Variants in IL1RL1 observed in about 807,000 individuals in gnomAD.
IL1RL1 encodes interleukin 1 receptor like 1.
A neutral mutation model predicts 50.9 loss-of-function variants in IL1RL1; 32 were observed. The ratio of observed to expected loss-of-function variants is 0.63; its 90% CI spans 0.47 to 0.84. The LOEUF is 0.84. Among genes scored for constraint, IL1RL1 ranks in the 40% least tolerant of loss-of-function variants. The pLI, the probability that IL1RL1 is intolerant of heterozygous loss-of-function variation, is 0.00. For synonymous variants in IL1RL1, 275 were observed against 236.0 expected, an observed-to-expected ratio of 1.17 and a Z score of -1.51; for missense variants, 773 against 662.9, an observed-to-expected ratio of 1.17 and a Z score of -1.82.
At position 102,325,870 on chromosome 2, in the gene IL1RL1, A is replaced by G. The variant is rs185239610; in HGVS notation, c.-149-12246A>G. ...GACTATGTGAAAAGACCAAATCTAC[A>G]TCTGATTGGTATACCTGAAAGTGAC... On this transcript the variant is annotated intron_variant, in intron 1 of 10. Coordinates refer to ENST00000233954, the MANE Select transcript of IL1RL1 (RefSeq NM_016232.5). 6.6e-3 allele frequency among the ~76,000 whole-genome samples: 1,013 copies of G among 152,366 alleles called. 19 individuals are homozygous for G. Among genetic ancestry groups the G allele is most frequent in the African/African-American group, 0.023 (947 of 41,594 alleles).
In IL1RL1 at chr2:102,348,010, C is replaced by T. The variant is rs766401987; in HGVS notation, c.1036C>T (p.Leu346=). 1 of 1,590,296 alleles carries T rather than the reference C, an allele frequency of 6.3e-7. No individual in the cohort carries two copies. The highest frequency in any genetic ancestry group is 2.2e-5 in the East Asian group (1 of 44,700). Residue 346 remains leucine (L), a synonymous_variant, in exon 9 of 11, where the codon CTG becomes TTG. Transcript: ENST00000233954. The stretch of plus-strand genomic sequence containing the variant: ...TGTATTTTTAATGCTAATCAATGTC[C>T]TGGTTATCATCCTAAAAATGTTCTG... The part of the protein sequence containing the change: ...CSVFLMLINV[L]VIILKMFWIE...
intron 1 of IL1RL1, among the ~76,000 whole-genome samples, chr2:102,322,870 G>C (rs1405244010): frequency 6.6e-6 from 1 of 151,968 alleles, no homozygotes; most frequent in Non-Finnish European, 1.5e-5. Context: ...CTATTGTTGG[G>C]CTTCCTATAG....
At position 102,338,798 on chromosome 2, in the gene IL1RL1, T is replaced by C. The variant is rs765577319; in HGVS notation, c.62-39T>C. The C allele has an allele frequency of 2.8e-6, 4 of 1,429,594 alleles. No individual in the cohort carries two copies. The South Asian group carries it at 3.5e-5, about 13-fold the overall frequency. The allele number at this position is 1,429,594 out of a possible 1,614,324, so 88.6% of individuals were successfully genotyped here. ...GTATAAGAATTATGATCTTTTCATT[T>C]GATCATTTCAGGATTGTCTTTATAT... is the stretch of plus-strand genomic sequence containing the variant. On this transcript the variant is annotated intron_variant, in intron 2 of 10. Coordinates refer to ENST00000233954, the MANE Select transcript of IL1RL1 (RefSeq NM_016232.5).
chr2:102,317,353 CAA>C (rs1010303033), intron 1 of IL1RL1, among the ~76,000 whole-genome samples: 6 of 147,124 alleles, frequency 4.1e-5, no homozygotes, highest in Admixed American at 6.8e-5. Context: ...GACTCTGTCT[CAA>C]AAAAAAAAGT....
In IL1RL1 at chr2:102,351,730, G is replaced by T; in HGVS notation, c.1480G>T (p.Glu494Ter). Residue 494 changes from glutamate to a stop codon, truncating the protein, a stop_gained, in exon 11 of 11, where the codon GAG (glutamate) becomes TAG (stop). Coordinates refer to ENST00000233954, the MANE Select transcript of IL1RL1 (RefSeq NM_016232.5). LOFTEE classifies it low-confidence loss of function (END_TRUNC). ...GAGCGAGCTGGACATGCTGCAGGCT[G>T]AGGCGCTTCAGGACTCCCTCCAGCA... is the stretch of plus-strand genomic sequence containing the variant. ...ALSELDMLQAEALQDSLQHLM... is the reference protein window; with the variant it reads ...ALSELDMLQA 1 of 1,614,104 alleles carries T rather than the reference G, an allele frequency of 6.2e-7. No individual in the cohort carries two copies. Among genetic ancestry groups the T allele is most frequent in the Admixed American group, 1.7e-5 (1 of 60,016 alleles).
chr2:102,340,434 G>T (rs1217248589), intron 4 of IL1RL1, among the ~76,000 whole-genome samples, 162 bp downstream of exon 4: 2 of 152,056 alleles, frequency 1.3e-5, no homozygotes, highest in Non-Finnish European at 1.5e-5. Flanking sequence ...CCAACATGAG[G>T]AAACCCCATC....
chr2:102,349,394 C>T (rs1677872099), intron 10 of IL1RL1, 148 bp downstream of exon 10: 1 of 636,212 alleles, frequency 1.6e-6, no homozygotes, highest in Admixed American at 2.6e-5. Context: ...CAGAAGCAGA[C>T]ACTTATCCTT....
chr2:102,313,806 A>G (rs1016669722), intron 1 of IL1RL1, among the ~76,000 whole-genome samples: 2 of 152,152 alleles, frequency 1.3e-5, no homozygotes, highest in Non-Finnish European at 2.9e-5. Context: ...ACATTGTGGG[A>G]GCATGCATGT....
intron 1 of IL1RL1, among the ~76,000 whole-genome samples, chr2:102,333,983 T>C (rs960753532): frequency 3.9e-5 from 6 of 152,214 alleles, no homozygotes; most frequent in Non-Finnish European, 5.9e-5. Flanking sequence ...TAGTCAACCG[T>C]TGATGGACAC....
chr2:102,351,525 T>G lies in IL1RL1; in HGVS notation c.1286-11T>G, dbSNP rs749163091. 1.2e-6 allele frequency: 2 copies of G among 1,606,752 alleles called. No homozygotes were observed. The highest frequency in any genetic ancestry group is 1.7e-6 in the Non-Finnish European group (2 of 1,175,230). On this transcript the variant is annotated splice_polypyrimidine_tract_variant and intron_variant, in intron 10 of 10. Transcript: ENST00000233954. ...CTGATAAGAAATCTGATCTATTTCT[T>G]GTATGACTAGATGTAGTCACTGCAG...
In IL1RL1 at chr2:102,343,411, T is replaced by C. The variant is rs1677656537; in HGVS notation, c.966T>C (p.Asn322=). Residue 322 remains asparagine, a synonymous_variant, in exon 8 of 11, where the codon AAT becomes AAC. Coordinates refer to ENST00000233954, the MANE Select transcript of IL1RL1 (RefSeq NM_016232.5). Reference sequence around the variant, plus strand: ...ACACCGTAAGACTAAGTAGGAAAAATCCAAGTAAGGAGTGTTTCTGAGACT... The same window carrying C: ...ACACCGTAAGACTAAGTAGGAAAAACCCAAGTAAGGAGTGTTTCTGAGACT... ...RRHTVRLSRK[N]PIDHHSIYCI... 6.2e-7 allele frequency: 1 copy of C among 1,614,154 alleles called. No individual in the cohort carries two copies. Among genetic ancestry groups the C allele is most frequent in the East Asian group, 2.2e-5 (1 of 44,872 alleles).
chr2:102,348,797 A>G (rs1374696915), intron 9 of IL1RL1, among the ~76,000 whole-genome samples: 5 of 152,322 alleles, frequency 3.3e-5, no homozygotes, highest in African/African-American at 1.2e-4. Context: ...CCTTAGTCAT[A>G]GATTATTAAT....
intron 1 of IL1RL1, among the ~76,000 whole-genome samples, chr2:102,315,914 A>G (rs78496732): frequency 0.028 from 4,227 of 152,282 alleles, 179 homozygotes; most frequent in African/African-American, 0.096. Flanking sequence ...TCATTAAGGG[A>G]GTATTTTCAG....
At chr2:102,336,998 A>G (rs1436301179) in intron 1 of IL1RL1, 1 of 152,194 alleles carries the variant, frequency 6.6e-6, no homozygotes, top group East Asian at 1.9e-4. Flanking sequence ...GTGTCCCAAT[A>G]TCGGGGTACA....
Position 102,343,453 on chromosome 2 carries a change from T to C in IL1RL1, c.970+38T>C, listed in dbSNP as rs767529660. ...TCTGAGACTTTGATCACCTGAACTT[T>C]CTCTAGCAAGTGTAAGCAGAATGGA... On this transcript the variant is annotated intron_variant, in intron 8 of 10. Coordinates refer to ENST00000233954, the MANE Select transcript of IL1RL1 (RefSeq NM_016232.5). The C allele has an allele frequency of 3.7e-6, 6 of 1,613,984 alleles. No homozygotes were observed. The African/African-American group carries it at 5.3e-5, about 14-fold the overall frequency.
chr2:102,345,425 A>G, intron 8 of IL1RL1: 1 of 984,766 alleles, frequency 1.0e-6, no homozygotes, highest in South Asian at 4.7e-5. Context: ...TACACTCATC[A>G]CTCCTCAGGG....
chr2:102,334,183 A>G (rs1397675619), intron 1 of IL1RL1, among the ~76,000 whole-genome samples: 1 of 152,182 alleles, frequency 6.6e-6, no homozygotes, highest in Non-Finnish European at 1.5e-5. Flanking sequence ...AGATTGAACT[A>G]ATTGACATTC....
intron 1 of IL1RL1, among the ~76,000 whole-genome samples, chr2:102,326,105 A>T (rs1015587282): frequency 3.3e-5 from 5 of 152,224 alleles, no homozygotes; most frequent in African/African-American, 1.2e-4. Context: ...CCAGAGAGAA[A>T]GGTCGGGTTA....
intron 9 of IL1RL1, 136 bp downstream of exon 9, chr2:102,348,227 T>C (rs1020162608): frequency 2.9e-6 from 2 of 678,102 alleles, no homozygotes; most frequent in Admixed American, 2.8e-5. Flanking sequence ...TATCAGTGAG[T>C]TGTGTTTTTG....
Sources: allele counts gnomAD v4.1 joint callset (sites outside exome capture counted in the v4.1 genomes callset), GRCh38; gene constraint gnomAD v4.1.1; transcripts MANE v1.5; gene names NCBI Gene and HGNC (gene_info 2026-07-23, HGNC 2026-07-21).